Variants in RBFOX1 observed in about 807,000 individuals in gnomAD.
RBFOX1 encodes RNA binding protein fox-1 homolog 1.
A neutral mutation model predicts 57.7 loss-of-function variants in RBFOX1; 8 were observed. That is an observed-to-expected ratio of 0.14 (90% CI 0.08 to 0.25). The LOEUF is 0.25. Ranked by LOEUF, RBFOX1 falls within the 10% of genes least tolerant of loss-of-function variation. The pLI is 1.00. For missense variants in RBFOX1, 611 were observed against 548.5 expected (o/e 1.11, Z -1.14); for synonymous variants, 326 against 222.4 (o/e 1.47, Z -4.15).
At chr16:7,207,498 G>C (rs990643605) in intron 4 of RBFOX1, among the ~76,000 whole-genome samples, 1 of 152,124 alleles carries the variant, frequency 6.6e-6, no homozygotes, top group Admixed American at 6.6e-5. Flanking sequence ...CCCTAGCACA[G>C]TGCCTGCTAC....
At chr16:5,836,703 T>C (rs931505322) in intron 3 of RBFOX1, among the ~76,000 whole-genome samples, 2 of 152,164 alleles carry the variant, frequency 1.3e-5, no homozygotes, top group Admixed American at 1.3e-4. Flanking sequence ...TGTTGTAGGA[T>C]GTTCAGCAGC....
In RBFOX1 at chr16:6,554,825, C is replaced by A. The variant is rs955228556; in HGVS notation, c.-63-99778C>A. Among the ~76,000 whole-genome samples, 3 of 146,826 alleles carry A rather than the reference C, an allele frequency of 2.0e-5. No individual in the cohort carries two copies. The East Asian group carries it at 5.8e-4, about 28-fold the overall frequency. The stretch of plus-strand genomic sequence containing the variant: ...ACAGATAAACACACAGACACACAGA[C>A]ACACACAGACTCTCCCTCTCACTCT... On this transcript the variant is annotated intron_variant, in intron 2 of 15. Coordinates refer to ENST00000550418, the MANE Select transcript of RBFOX1 (RefSeq NM_018723.4).
At chr16:5,538,873 A>C (rs1473758731) in intron 2 of RBFOX1, among the ~76,000 whole-genome samples, 15 of 151,958 alleles carry the variant, frequency 9.9e-5, no homozygotes, top group Non-Finnish European at 2.9e-5. Context: ...TGATCTGCCC[A>C]CCTCAGCCAG....
rs76360301 is a variant in RBFOX1, at chr16:7,125,452, G to A, written c.27+73354G>A. Among the ~76,000 whole-genome samples the A allele has an allele frequency of 5.2e-3, 788 of 152,284 alleles. 7 individuals are homozygous for A. Among genetic ancestry groups the A allele is most frequent in the African/African-American group, 0.018 (754 of 41,568 alleles). On this transcript the variant is annotated intron_variant, in intron 4 of 15. Transcript: ENST00000550418. Reference sequence around the variant, plus strand: ...GTCATGTTTAAACGTCCAGTTTTCTGTTAAAAATTTCAAACCTGTCGGATG... The same window carrying A: ...GTCATGTTTAAACGTCCAGTTTTCTATTAAAAATTTCAAACCTGTCGGATG...
chr16:5,492,100 C>T (rs764000816), intron 2 of RBFOX1, among the ~76,000 whole-genome samples: 4 of 152,174 alleles, frequency 2.6e-5, no homozygotes, highest in African/African-American at 4.8e-5. Context: ...CCTACTGAGT[C>T]AGAAACACCA....
At chr16:6,348,591 A>T (rs1315977713) in intron 2 of RBFOX1, among the ~76,000 whole-genome samples, 1 of 152,178 alleles carries the variant, frequency 6.6e-6, no homozygotes, top group East Asian at 1.9e-4. Flanking sequence ...AGATGGCAGA[A>T]TCTGCATCTG....
chr16:7,530,561 G>T (rs1021064895), intron 5 of RBFOX1, among the ~76,000 whole-genome samples: 2 of 151,664 alleles, frequency 1.3e-5, no homozygotes, highest in Non-Finnish European at 2.9e-5. Context: ...CCTGGTGGTT[G>T]TATCAATGGG....
chr16:6,851,837 G>A (rs142476308), intron 3 of RBFOX1, among the ~76,000 whole-genome samples: 6 of 152,194 alleles, frequency 3.9e-5, no homozygotes, highest in East Asian at 1.9e-4. Context: ...ATGATGCCCT[G>A]TGTGCTTGCA....
Position 5,713,851 on chromosome 16 carries a change from G to A in RBFOX1, c.318+114890G>A, listed in dbSNP as rs114297941. On this transcript the variant is annotated intron_variant, in intron 3 of 19. Coordinates refer to the RBFOX1 transcript ENST00000641259. ...TGTAGACAGTGAAGTACAAAGACTCGATCTGCAGTGACCTTCTTGTTGGAA... is the reference window on the plus strand; with the variant it reads ...TGTAGACAGTGAAGTACAAAGACTCAATCTGCAGTGACCTTCTTGTTGGAA... 6.5e-3 allele frequency among the ~76,000 whole-genome samples: 986 copies of A among 152,244 alleles called. 8 individuals carry two copies. Among genetic ancestry groups the A allele is most frequent in the African/African-American group, 0.022 (895 of 41,552 alleles).
chr16:7,589,211 T>C (rs906350663), intron 7 of RBFOX1, among the ~76,000 whole-genome samples: 1 of 152,230 alleles, frequency 6.6e-6, no homozygotes, highest in Non-Finnish European at 1.5e-5. Flanking sequence ...GGTCTGTCTA[T>C]AGCAGCACTG....
intron 3 of RBFOX1, among the ~76,000 whole-genome samples, chr16:6,806,837 T>TATATATATATATATATATATA (rs1491107829): frequency 8.1e-4 from 56 of 68,788 alleles, no homozygotes; most frequent in Non-Finnish European, 1.2e-3. Flanking sequence ...TATATATATA[T>TATATATATATATATATATATA]TTTTTTTTTT....
At chr16:7,473,221 C>T (rs983410576) in intron 4 of RBFOX1, among the ~76,000 whole-genome samples, 2 of 151,814 alleles carry the variant, frequency 1.3e-5, no homozygotes, top group African/African-American at 4.8e-5. Flanking sequence ...CTACTAAAAA[C>T]ACAAAAACTA....
rs534198479 is a variant in RBFOX1 at position 5,388,320 on chromosome 16, G to A, written c.220-78896G>A. On this transcript the variant is annotated intron_variant, in intron 1 of 2. Coordinates refer to the RBFOX1 transcript ENST00000585867. The stretch of plus-strand genomic sequence containing the variant: ...GGGCTTCTTTGTAGTGGGAGGCTTC[G>A]GACAAAGGCTGATCTCTGCCAAGCG... Among the ~76,000 whole-genome samples, 45 of 152,170 alleles carry A rather than the reference G, an allele frequency of 3.0e-4. 1 individual carries two copies. The Middle Eastern group carries it at 0.014, about 46-fold the overall frequency.
At chr16:7,389,655 A>G (rs2097956680) in intron 4 of RBFOX1, among the ~76,000 whole-genome samples, 1 of 152,224 alleles carries the variant, frequency 6.6e-6, no homozygotes, top group African/African-American at 2.4e-5. Flanking sequence ...TTGGGACCCT[A>G]CAGAGAAATT....
chr16:6,234,675 A>G (rs1025562065), intron 1 of RBFOX1, among the ~76,000 whole-genome samples: 1 of 152,278 alleles, frequency 6.6e-6, no homozygotes, highest in Non-Finnish European at 1.5e-5. Context: ...TTAAGTAGGA[A>G]TTTTTGAAGG....
chr16:6,441,485 C>T (rs62015237), intron 2 of RBFOX1, among the ~76,000 whole-genome samples: 32,840 of 151,868 alleles, frequency 0.22, 3,819 homozygotes, highest in East Asian at 0.3. Flanking sequence ...GGGGCAATCT[C>T]GGCCCACTGC....
At chr16:7,542,039 G>T (rs1268847388) in intron 5 of RBFOX1, among the ~76,000 whole-genome samples, 2 of 152,216 alleles carry the variant, frequency 1.3e-5, no homozygotes, top group Non-Finnish European at 2.9e-5. Context: ...CTGGGAAGAA[G>T]TGTGGGTACT....
chr16:5,429,572 A>C (rs1597029333), intron 1 of RBFOX1, among the ~76,000 whole-genome samples: 1 of 152,168 alleles, frequency 6.6e-6, no homozygotes, highest in African/African-American at 2.4e-5. Context: ...CAGGCTTCCA[A>C]GCTGGCTCGC....
At chr16:7,198,074 C>T (rs1379088372) in intron 4 of RBFOX1, among the ~76,000 whole-genome samples, 4 of 131,170 alleles carry the variant, frequency 3.0e-5, no homozygotes, top group East Asian at 2.4e-4. Flanking sequence ...GGAGCGATCT[C>T]GGCTCACTGC....
Sources: gnomAD v4.1 joint callset for allele counts (sites outside exome capture counted in the v4.1 genomes callset) on GRCh38, gnomAD v4.1.1 for gene constraint, MANE v1.5 for transcripts, NCBI Gene and HGNC (gene_info 2026-07-23, HGNC 2026-07-21) for gene names.